The following FGD5 variants were observed in gnomAD, a reference collection of about 807,000 sequenced individuals.
The protein encoded by FGD5 is FYVE, RhoGEF and PH domain containing 5, also known as FYVE, RhoGEF and PH domain-containing protein 5.
A neutral mutation model predicts 133.4 loss-of-function variants in FGD5; 28 were observed. The ratio of observed to expected loss-of-function variants is 0.21; its 90% CI spans 0.16 to 0.29. The LOEUF (loss-of-function observed/expected upper bound fraction) is 0.29, where lower values mean the gene tolerates loss of function less well. Ranked by LOEUF, FGD5 falls within the 10% of genes least tolerant of loss-of-function variation. FGD5 has a pLI of 1.00. For missense variants in FGD5, 1,858 were observed against 1,895.2 expected, an observed-to-expected ratio of 0.98 and a Z score of 0.36; for synonymous variants, 810 against 776.5, an observed-to-expected ratio of 1.04 and a Z score of -0.72.
At chr3:14,909,225 C>G (rs752643255) in intron 10 of FGD5, among the ~76,000 whole-genome samples, 1 of 152,156 alleles carries the variant, frequency 6.6e-6, no homozygotes, top group African/African-American at 2.4e-5. Context: ...GCCTCAGCCT[C>G]GCAAAGTGCT....
At chr3:14,849,754 C>T (rs549800575) in intron 1 of FGD5, among the ~76,000 whole-genome samples, 6 of 152,126 alleles carry the variant, frequency 3.9e-5, no homozygotes, top group Non-Finnish European at 7.4e-5. Context: ...AACTTAGCCT[C>T]TGTGCACCTG....
intron 1 of FGD5, among the ~76,000 whole-genome samples, chr3:14,825,487 G>A (rs115965911): frequency 0.011 from 1,625 of 151,226 alleles, 34 homozygotes; most frequent in African/African-American, 0.037. Flanking sequence ...ATGTACACAC[G>A]CACACGTGTA....
intron 19 of FGD5, 26 bp downstream of exon 19, chr3:14,932,757 T>G (rs369133360): frequency 1.9e-6 from 3 of 1,602,738 alleles, no homozygotes; most frequent in South Asian, 2.2e-5. Context: ...ATTAGTCTTA[T>G]AGCTTTTTGT....
chr3:14,891,449 C>T (rs13085722), intron 4 of FGD5, among the ~76,000 whole-genome samples: 2,973 of 152,324 alleles, frequency 0.02, 39 homozygotes, highest in Non-Finnish European at 0.03. Context: ...GTGGCTTCCT[C>T]ATAGGAACAC....
Position 14,921,936 on chromosome 3 carries a change from C to T in FGD5, c.3588C>T (p.Asp1196=), listed in dbSNP as rs1489564950. Residue 1196 remains aspartate, a synonymous_variant, in exon 14 of 20, where the codon GAC becomes GAT. Transcript: ENST00000285046. ...CCCGCAGCTCCTGTGCAGAGAGGGA[C>T]GAGTGGTATGGCTGTCTGAGCAGAG... ...MLSASSCAER[D]EWYGCLSRAL... 3.8e-6 allele frequency: 6 copies of T among 1,569,754 alleles called. No homozygotes were observed. The highest frequency in any genetic ancestry group is 2.4e-5 in the East Asian group (1 of 42,200).
At chr3:14,825,620 G>T (rs575187850) in intron 1 of FGD5, among the ~76,000 whole-genome samples, 2 of 152,220 alleles carry the variant, frequency 1.3e-5, no homozygotes, top group East Asian at 3.9e-4. Flanking sequence ...CTGCACTCCA[G>T]CCTGGCTGAC....
Position 14,908,463 on chromosome 3 carries a change from A to G in FGD5, c.3336+752A>G, listed in dbSNP as rs576179047. Among the ~76,000 whole-genome samples, 77 of 152,334 alleles carry G rather than the reference A, an allele frequency of 5.1e-4. 1 individual carries two copies. The highest frequency in any genetic ancestry group is 1.0e-3 in the Admixed American group (16 of 15,302). ...GGAGTCATGGCTTGGACCACCCAGA[A>G]TCCTGAAAGACACAGTCTTGAGCAC... On this transcript the variant is annotated intron_variant, in intron 10 of 19. Coordinates refer to ENST00000285046, the MANE Select transcript of FGD5 (RefSeq NM_152536.4).
intron 9 of FGD5, among the ~76,000 whole-genome samples, chr3:14,903,065 T>G (rs1437387344): frequency 6.6e-6 from 1 of 152,144 alleles, no homozygotes; most frequent in Non-Finnish European, 1.5e-5. Flanking sequence ...CCTGGGACAT[T>G]TACTCTTTTG....
At chr3:14,877,146 C>T (rs1049204929) in intron 2 of FGD5, among the ~76,000 whole-genome samples, 1 of 152,228 alleles carries the variant, frequency 6.6e-6, no homozygotes, top group African/African-American at 2.4e-5. Context: ...TGGACTCTGC[C>T]GTCAGCCTCG....
In FGD5 at chr3:14,921,997, G is replaced by A. The variant is rs1323595431; in HGVS notation, c.3649G>A (p.Ala1217Thr). ...GGACTACAAGGCCCAGGCGCTGGCT[G>A]CATTCCACCATAGCGTGGAGGTGAG... The part of the protein sequence containing the change: ...PEDYKAQALA[A>T]FHHSVEIRER... The change falls in exon 14 of 20, where the codon GCA becomes ACA. Residue 1217 changes from alanine (A) to threonine (T), a missense_variant. Ala to Thr is a moderately conservative substitution (Grantham distance 58, BLOSUM62 0). Coordinates refer to ENST00000285046, the MANE Select transcript of FGD5 (RefSeq NM_152536.4). The A allele has an allele frequency of 6.4e-7, 1 of 1,563,404 alleles. No individual in the cohort carries two copies. Among genetic ancestry groups the A allele is most frequent in the Admixed American group, 1.9e-5 (1 of 52,518 alleles).
At chr3:14,902,791 C>T (rs2038266590) in intron 9 of FGD5, among the ~76,000 whole-genome samples, 1 of 152,166 alleles carries the variant, frequency 6.6e-6, no homozygotes, top group Non-Finnish European at 1.5e-5. Flanking sequence ...CCACATTTCC[C>T]TTTAGCCGGG....
chr3:14,933,036 AAG>A lies in FGD5; in HGVS notation c.4353-92_4353-91del, dbSNP rs148755024. On this transcript the variant is annotated intron_variant, in intron 19 of 19. Transcript: ENST00000285046. ...ACGACATGGTCCTTGACTTCAAACTAAGAGGAATCTACTAGTCCAGTCTTTTC... is the reference window on the plus strand; with the variant it reads ...ACGACATGGTCCTTGACTTCAAACTAAGGAATCTACTAGTCCAGTCTTTTC... The A allele has an allele frequency of 5.1e-4, 707 of 1,393,078 alleles. 6 individuals are homozygous for A. In the East Asian group the frequency reaches 0.014, roughly 28 times the overall value. 86.3% of individuals were successfully genotyped at this position (1,393,078 alleles called of 1,614,324 possible). A position where few individuals can be genotyped will look rare whatever the true frequency, so the allele number is the denominator to read the frequency against.
chr3:14,909,879 C>T (rs1287216982), intron 10 of FGD5, among the ~76,000 whole-genome samples: 3 of 151,458 alleles, frequency 2.0e-5, no homozygotes, highest in Admixed American at 6.6e-5. Flanking sequence ...GATTCTTCTG[C>T]CTCAGCCTCC....
At position 14,819,580 on chromosome 3, in the gene FGD5, T is replaced by A. The variant is rs1467763428; in HGVS notation, c.509T>A (p.Val170Glu). The change falls in exon 1 of 20, where the codon GTG (valine) becomes GAG (glutamate). Residue 170 changes from valine to glutamate, a missense_variant. Transcript: ENST00000285046. This position sits in a 1 kb window ranked among gnomAD's most constrained non-coding sequence, Gnocchi z 4.1. ...VSRSEEEEKL[V>E]QPHRECSLED... Reference sequence around the variant, plus strand: ...AGAAGTGAGGAGGAAGAGAAGCTAGTGCAGCCACACAGGGAGTGCAGCCTG... The same window carrying A: ...AGAAGTGAGGAGGAAGAGAAGCTAGAGCAGCCACACAGGGAGTGCAGCCTG... The A allele has an allele frequency of 6.4e-7, 1 of 1,551,266 alleles. No individual in the cohort carries two copies. The highest frequency in any genetic ancestry group is 8.7e-7 in the Non-Finnish European group (1 of 1,146,912).
At chr3:14,890,600 C>G (rs2038008654) in intron 4 of FGD5, among the ~76,000 whole-genome samples, 2 of 152,130 alleles carry the variant, frequency 1.3e-5, no homozygotes, top group African/African-American at 4.8e-5. Flanking sequence ...GTGAGGCTGG[C>G]ACTCAGCACT....
chr3:14,898,711 G>C (rs765569453), intron 6 of FGD5, 28 bp from the exon 7 acceptor site: 3 of 1,555,640 alleles, frequency 1.9e-6, no homozygotes, highest in African/African-American at 1.4e-5. Flanking sequence ...TTTCTGATAA[G>C]GTTTTTCCTT....
intron 2 of FGD5, among the ~76,000 whole-genome samples, chr3:14,869,395 C>G (rs1010123238): frequency 2.6e-5 from 4 of 152,180 alleles, no homozygotes; most frequent in African/African-American, 9.7e-5. Context: ...ATCTTAGACA[C>G]AGAATGCCTT....
At chr3:14,843,491 C>T (rs1411888522) in intron 1 of FGD5, among the ~76,000 whole-genome samples, 1 of 152,078 alleles carries the variant, frequency 6.6e-6, no homozygotes, top group Non-Finnish European at 1.5e-5. Flanking sequence ...CCAGGCTCTG[C>T]GGCAGGCGTT....
chr3:14,896,504 C>CT (rs1559497438), intron 4 of FGD5, among the ~76,000 whole-genome samples: 2 of 150,256 alleles, frequency 1.3e-5, no homozygotes, highest in African/African-American at 4.9e-5. Flanking sequence ...GAGTTTTATT[C>CT]TTCTTCCCCA....
Sources: allele counts gnomAD v4.1 joint callset (sites outside exome capture counted in the v4.1 genomes callset), GRCh38; gene constraint gnomAD v4.1.1; non-coding constraint Gnocchi (gnomAD v3.1); transcripts MANE v1.5; gene names NCBI Gene and HGNC (gene_info 2026-07-23, HGNC 2026-07-21).